TRRAP: variants seen among roughly 807,000 people sequenced by gnomAD.
TRRAP encodes the protein transformation/transcription domain associated protein.
TRRAP carries 41 observed loss-of-function variants against 438.8 expected under a neutral mutation model. That is an observed-to-expected ratio of 0.09 (90% CI 0.07 to 0.12). The LOEUF is 0.12. Ranked by LOEUF, TRRAP falls within the 10% of genes least tolerant of loss-of-function variation. The pLI, the probability that TRRAP is intolerant of heterozygous loss-of-function variation, is 1.00. For synonymous variants in TRRAP, 1,994 were observed against 1,962.9 expected (o/e 1.02, Z -0.42); for missense variants, 3,122 against 5,055.1 (o/e 0.62, Z 11.60).
chr7:98,953,098 G>T, intron 39 of TRRAP, 69 bp from the exon 40 acceptor site: 4 of 1,521,558 alleles, frequency 2.6e-6, no homozygotes, highest in South Asian at 1.2e-5. Flanking sequence ...GCTTAAACCT[G>T]TCGTATGACC....
rs755416213 is a variant in TRRAP, at chr7:98,961,333, C to G, written c.6562C>G (p.Leu2188Val). The G allele has an allele frequency of 7.4e-6, 12 of 1,614,100 alleles. No individual in the cohort carries two copies. The highest frequency in any genetic ancestry group is 9.3e-6 in the Non-Finnish European group (11 of 1,180,046). ...LEVLSFLLTV[L>V]QSPAILSSFK... ...AGTGCTGAGCTTCCTGCTAACTGTC[C>G]TCCAGTCCCCAGCCATCCTCAGTAG... The change falls in exon 46 of 73, where the codon CTC becomes GTC. Residue 2188 changes from leucine (L) to valine (V), a missense_variant. By Grantham distance (32) the Leu-to-Val change is conservative. Around this residue, in one of 24 missense-constraint regions of TRRAP, gnomAD observed 992 missense variants for 1,281.2 expected, o/e 0.77. Transcript: ENST00000456197.
At chr7:98,928,798 G>A (rs73155631) in intron 23 of TRRAP, among the ~76,000 whole-genome samples, 4,178 of 151,786 alleles carry the variant, frequency 0.028, 84 homozygotes, top group South Asian at 0.055. Context: ...TTTAGATACA[G>A]AGTCTCACTT....
In TRRAP at chr7:98,931,422, C is replaced by G. The variant is rs201815853; in HGVS notation, c.3609C>G (p.Val1203=). The change falls in exon 26 of 73, where the codon GTC becomes GTG. Residue 1203 remains valine, a synonymous_variant. Transcript: ENST00000456197. Reference sequence around the variant, plus strand: ...ACTTGCAGGTTTCCAATGGGGCAGTCGCTATGGCAAAGACCACGCTGGAGC... The same window carrying G: ...ACTTGCAGGTTTCCAATGGGGCAGTGGCTATGGCAAAGACCACGCTGGAGC... The part of the protein sequence containing the change: ...DLTGEVSNGA[V]AMAKTTLEQL... 4 of 1,613,666 alleles carry G rather than the reference C, an allele frequency of 2.5e-6. No homozygotes were observed. The African/African-American group carries it at 5.3e-5, about 22-fold the overall frequency.
chr7:98,906,502 G>A (rs1423984857), intron 13 of TRRAP, among the ~76,000 whole-genome samples: 1 of 151,846 alleles, frequency 6.6e-6, no homozygotes, highest in Non-Finnish European at 1.5e-5. Flanking sequence ...GTGCAATCTT[G>A]GCTCACTGCA....
rs1554413367 is a variant in TRRAP, at chr7:98,933,224, C to T, written c.3853-17C>T. The T allele has an allele frequency of 1.2e-6, 2 of 1,603,182 alleles. No individual in the cohort carries two copies. Among genetic ancestry groups the T allele is most frequent in the Non-Finnish European group, 1.7e-6 (2 of 1,174,338 alleles). Reference sequence around the variant, plus strand: ...AGGGGCAGCTGGTGAGTGGTGCCTCCTCCTTGGCTTCCCCAGGTCCTGCAG... The same window carrying T: ...AGGGGCAGCTGGTGAGTGGTGCCTCTTCCTTGGCTTCCCCAGGTCCTGCAG... On this transcript the variant is annotated splice_polypyrimidine_tract_variant and intron_variant, in intron 26 of 72. Coordinates refer to ENST00000456197, the MANE Select transcript of TRRAP (RefSeq NM_001375524.1).
intron 33 of TRRAP, among the ~76,000 whole-genome samples, chr7:98,946,958 G>C (rs1791110008): frequency 6.6e-6 from 1 of 152,244 alleles, no homozygotes; most frequent in South Asian, 2.1e-4. Context: ...GGGGCATGGA[G>C]CTGGCCTTGA....
intron 67 of TRRAP, among the ~76,000 whole-genome samples, chr7:98,996,719 T>C (rs1405623976): frequency 6.6e-6 from 1 of 152,192 alleles, no homozygotes; most frequent in African/African-American, 2.4e-5. Flanking sequence ...AATATGGGCC[T>C]TCAAACCTAA....
At chr7:98,894,512 A>G (rs1475394659) in intron 6 of TRRAP, among the ~76,000 whole-genome samples, 1 of 152,084 alleles carries the variant, frequency 6.6e-6, no homozygotes, top group African/African-American at 2.4e-5. Flanking sequence ...GAATTAAATA[A>G]CTTAAAATAG....
chr7:98,889,120 T>A (rs1795851486), intron 3 of TRRAP, among the ~76,000 whole-genome samples: 1 of 149,616 alleles, frequency 6.7e-6, no homozygotes. Context: ...TGGGCTCCAG[T>A]GATCCTCCCA....
Position 98,971,791 on chromosome 7 carries a change from T to C in TRRAP, c.7693-8T>C. On this transcript the variant is annotated splice_polypyrimidine_tract_variant and splice_region_variant and intron_variant, in intron 52 of 72. Coordinates refer to ENST00000456197, the MANE Select transcript of TRRAP (RefSeq NM_001375524.1). ...CCTTTTGGTTTTGCTTGCTGCTTTGTTTCTTAGGATGTAGAGATAGACATC... is the reference window on the plus strand; with the variant it reads ...CCTTTTGGTTTTGCTTGCTGCTTTGCTTCTTAGGATGTAGAGATAGACATC... 9 of 1,612,050 alleles carry C rather than the reference T, an allele frequency of 5.6e-6. No individual in the cohort carries two copies. Among genetic ancestry groups the C allele is most frequent in the Non-Finnish European group, 7.6e-6 (9 of 1,179,322 alleles).
At chr7:98,943,089 CT>C in intron 31 of TRRAP, 72 bp downstream of exon 31, 1 of 1,529,624 alleles carries the variant, frequency 6.5e-7, no homozygotes, top group Admixed American at 1.7e-5. Flanking sequence ...CGGGACAGTG[CT>C]TTCATTAAAA....
At position 99,013,228 on chromosome 7, in the gene TRRAP, A is replaced by G. The variant is rs1202040348; in HGVS notation, c.*873A>G. The stretch of plus-strand genomic sequence containing the variant: ...TGTGATTTTTTTTTTTAGAATAAAT[A>G]TTTTATAAAAGGGTTTATTGTCCCT... On this transcript the variant is annotated 3_prime_UTR_variant, in exon 73 of 73. Coordinates refer to ENST00000456197, the MANE Select transcript of TRRAP (RefSeq NM_001375524.1). 6.6e-6 allele frequency: 1 copy of G among 151,980 alleles called. No individual in the cohort carries two copies. The highest frequency in any genetic ancestry group is 1.9e-4 in the East Asian group (1 of 5,192). 9.4% of individuals were successfully genotyped at this position (151,980 alleles called of 1,614,324 possible). A position where few individuals can be genotyped will look rare whatever the true frequency, so the allele number is the denominator to read the frequency against.
intron 67 of TRRAP, chr7:98,999,617 C>G: frequency 1.2e-6 from 1 of 811,864 alleles, no homozygotes. Context: ...TTGCATAGAG[C>G]AGAGAGCTGA....
At position 98,999,232 on chromosome 7, in the gene TRRAP, A is replaced by G. The variant is rs910502635; in HGVS notation, c.10309+4384A>G. 5 of 1,203,142 alleles carry G rather than the reference A, an allele frequency of 4.2e-6. No homozygotes were observed. In the African/African-American group the frequency reaches 6.0e-5, roughly 14 times the overall value. 74.5% of individuals were successfully genotyped at this position (1,203,142 alleles called of 1,614,324 possible). A position where few individuals can be genotyped will look rare whatever the true frequency, so the allele number is the denominator to read the frequency against. On this transcript the variant is annotated intron_variant, in intron 67 of 72. Coordinates refer to ENST00000456197, the MANE Select transcript of TRRAP (RefSeq NM_001375524.1). ...GTACACAGGCTTCACTCCAAGAAGT[A>G]CATGCATTCACTGCCCAGCTTCTCG... is the stretch of plus-strand genomic sequence containing the variant.
intron 46 of TRRAP, among the ~76,000 whole-genome samples, chr7:98,961,944 C>T (rs918722131): frequency 3.3e-5 from 5 of 152,172 alleles, no homozygotes; most frequent in African/African-American, 1.2e-4. Context: ...AATGGCAGCT[C>T]TCACTGAATG....
intron 30 of TRRAP, among the ~76,000 whole-genome samples, chr7:98,940,794 G>A (rs559927383): frequency 6.6e-6 from 1 of 152,280 alleles, no homozygotes; most frequent in Admixed American, 6.5e-5. Flanking sequence ...ACACCTGCCT[G>A]CTGTGCTCTG....
intron 53 of TRRAP, among the ~76,000 whole-genome samples, chr7:98,973,405 C>T (rs1052160030): frequency 2.0e-5 from 3 of 152,208 alleles, no homozygotes; most frequent in African/African-American, 7.2e-5. Flanking sequence ...GTTTTAGCCT[C>T]AGCTCCTGGT....
intron 13 of TRRAP, among the ~76,000 whole-genome samples, chr7:98,907,906 C>T (rs989922105): frequency 6.6e-5 from 10 of 151,372 alleles, no homozygotes; most frequent in Non-Finnish European, 1.3e-4. Context: ...CCATGCTGGC[C>T]CCTACAGCTG....
intron 49 of TRRAP, 21 bp downstream of exon 49, chr7:98,965,916 A>AT: frequency 6.2e-7 from 1 of 1,613,160 alleles, no homozygotes; most frequent in Non-Finnish European, 8.5e-7. Context: ...ACGGTGTGCC[A>AT]TGTGATCTCC....
Sources: gnomAD v4.1 joint callset for allele counts (sites outside exome capture counted in the v4.1 genomes callset) on GRCh38, gnomAD v4.1.1 for gene constraint, gnomAD v4.1.1 regional missense constraint, MANE v1.5 for transcripts, NCBI Gene and HGNC (gene_info 2026-07-23, HGNC 2026-07-21) for gene names.